DAB1: variants seen among roughly 807,000 people sequenced by gnomAD.
DAB1 encodes disabled homolog 1.
In DAB1, 15 loss-of-function variants were observed where a neutral mutation model predicts 64.6. The ratio of observed to expected loss-of-function variants is 0.23; its 90% CI spans 0.16 to 0.36. DAB1 has a LOEUF of 0.36. Among genes scored for constraint, DAB1 ranks in the 10% least tolerant of loss-of-function variants. DAB1 has a pLI of 1.00. For missense variants in DAB1, 596 were observed against 706.7 expected, an observed-to-expected ratio of 0.84 and a Z score of 1.78; for synonymous variants, 235 against 251.9, an observed-to-expected ratio of 0.93 and a Z score of 0.64.
At chr1:58,282,174 A>G (rs928635483) in intron 4 of DAB1, among the ~76,000 whole-genome samples, 1 of 152,128 alleles carries the variant, frequency 6.6e-6, no homozygotes, top group African/African-American at 2.4e-5. Context: ...CTTTTATCTT[A>G]AGTGTTTCTT....
At chr1:57,294,176 C>A in intron 1 of DAB1, among the ~76,000 whole-genome samples, 1 of 152,202 alleles carries the variant, frequency 6.6e-6, no homozygotes, top group East Asian at 1.9e-4. Context: ...CAACTCAAAT[C>A]ATTTTCCCCA....
At chr1:57,283,201 T>C (rs956141820) in intron 2 of DAB1, among the ~76,000 whole-genome samples, 1 of 152,226 alleles carries the variant, frequency 6.6e-6, no homozygotes, top group Admixed American at 6.5e-5. Context: ...GCAGGAAGCA[T>C]ACATGATGGC....
At chr1:58,321,953 G>A (rs1203148911) in intron 4 of DAB1, among the ~76,000 whole-genome samples, 1 of 152,244 alleles carries the variant, frequency 6.6e-6, no homozygotes, top group Non-Finnish European at 1.5e-5. Context: ...TGGACAGACT[G>A]CCTCCTCAAG....
At chr1:57,441,242 ATCTTTTCTTT>A (rs10546051) in intron 7 of DAB1, among the ~76,000 whole-genome samples, 1 of 147,524 alleles carries the variant, frequency 6.8e-6, no homozygotes, top group African/African-American at 2.5e-5. Flanking sequence ...CACAGGTACA[ATCTTTTCTTT>A]TCTTTTCTTT....
chr1:57,571,406 T>C (rs1183015035), intron 7 of DAB1, among the ~76,000 whole-genome samples: 1 of 152,238 alleles, frequency 6.6e-6, no homozygotes, highest in Non-Finnish European at 1.5e-5. Context: ...AAAGTCTGTG[T>C]ATACCAGCCC....
intron 5 of DAB1, among the ~76,000 whole-genome samples, chr1:57,984,185 AAAGAAAGAAAG>A (rs1557594813): frequency 5.4e-4 from 12 of 22,082 alleles, no homozygotes; most frequent in South Asian, 4.8e-3. Context: ...AGCTTAAAAA[AAAGAAAGAAAG>A]AAAGAAAGAA....
chr1:57,332,255 T>C (rs1031985484), intron 1 of DAB1, among the ~76,000 whole-genome samples: 1 of 152,212 alleles, frequency 6.6e-6, no homozygotes, highest in Non-Finnish European at 1.5e-5. Flanking sequence ...TAAGCCACAA[T>C]GCCCAGCTGG....
rs1236197937 is a variant in DAB1 at position 57,130,868 on chromosome 1, T to C, written c.306+5675A>G. Among the ~76,000 whole-genome samples the C allele has an allele frequency of 3.3e-5, 5 of 152,204 alleles. No homozygotes were observed. The South Asian group carries it at 8.3e-4, about 25-fold the overall frequency. On this transcript the variant is annotated intron_variant, in intron 4 of 14. Transcript: ENST00000371236. Reference sequence around the variant, plus strand: ...GGTATTATGTATATGGGTAAAATACTTTGTTTATGTGCTAAATAGGGTTAG... The same window carrying C: ...GGTATTATGTATATGGGTAAAATACCTTGTTTATGTGCTAAATAGGGTTAG...
chr1:58,309,199 T>C (rs919804134), intron 4 of DAB1, among the ~76,000 whole-genome samples: 4 of 152,226 alleles, frequency 2.6e-5, no homozygotes, highest in Admixed American at 6.5e-5. Context: ...GATATAAATG[T>C]TCCATACACA....
intron 2 of DAB1, among the ~76,000 whole-genome samples, chr1:57,290,678 A>G (rs553603054): frequency 2.0e-5 from 3 of 152,322 alleles, no homozygotes; most frequent in African/African-American, 7.2e-5. Flanking sequence ...TATTATGAAT[A>G]CGAAACACAC....
At chr1:58,160,652 G>T (rs1220569369) in intron 4 of DAB1, among the ~76,000 whole-genome samples, 3 of 152,122 alleles carry the variant, frequency 2.0e-5, no homozygotes, top group African/African-American at 7.2e-5. Flanking sequence ...TACAGCATTT[G>T]CTCTTAAATT....
chr1:57,695,356 A>AAAGAAAGGAAGGAAG (rs1557427730), intron 6 of DAB1, among the ~76,000 whole-genome samples: 1 of 25,078 alleles, frequency 4.0e-5, no homozygotes, highest in Non-Finnish European at 9.0e-5. Context: ...AAGAAAGAAA[A>AAAGAAAGGAAGGAAG]GAAAGAAGAA....
At chr1:58,189,051 A>G (rs1295118083) in intron 4 of DAB1, among the ~76,000 whole-genome samples, 1 of 152,138 alleles carries the variant, frequency 6.6e-6, no homozygotes, top group African/African-American at 2.4e-5. Context: ...GCACTATTTT[A>G]TTTGCCTTTG....
At chr1:58,357,688 C>T (rs888523374) in intron 3 of DAB1, among the ~76,000 whole-genome samples, 6 of 152,166 alleles carry the variant, frequency 3.9e-5, no homozygotes, top group African/African-American at 1.4e-4. Flanking sequence ...GATTCTGATG[C>T]AGTGGGTCTG....
intron 5 of DAB1, among the ~76,000 whole-genome samples, chr1:57,993,206 C>A (rs570160522): frequency 6.6e-6 from 1 of 152,054 alleles, no homozygotes; most frequent in Non-Finnish European, 1.5e-5. Context: ...GCTAGGGTCA[C>A]GGAATGCATG....
At chr1:57,360,004 C>A (rs1679422880) in intron 1 of DAB1, among the ~76,000 whole-genome samples, 1 of 151,776 alleles carries the variant, frequency 6.6e-6, no homozygotes, top group African/African-American at 2.4e-5. Context: ...ATAGGAGGAA[C>A]AAATGTTAAG....
intron 4 of DAB1, among the ~76,000 whole-genome samples, chr1:58,203,373 C>A (rs866367842): frequency 6.6e-6 from 1 of 152,054 alleles, no homozygotes; most frequent in African/African-American, 2.4e-5. Flanking sequence ...TAGACAACAC[C>A]CTCATATTTC....
chr1:57,075,737 G>A (rs1290014779), intron 4 of DAB1, among the ~76,000 whole-genome samples: 1 of 152,170 alleles, frequency 6.6e-6, no homozygotes, highest in Non-Finnish European at 1.5e-5. Context: ...GGGACTGAAG[G>A]TCAGAGATTG....
At chr1:57,540,692 T>C (rs1570609272) in intron 7 of DAB1, among the ~76,000 whole-genome samples, 1 of 152,318 alleles carries the variant, frequency 6.6e-6, no homozygotes, top group South Asian at 2.1e-4. Context: ...GCTCATTATG[T>C]TAAAGTTAAA....
Sources: gnomAD v4.1 joint callset for allele counts (sites outside exome capture counted in the v4.1 genomes callset) on GRCh38, gnomAD v4.1.1 for gene constraint, MANE v1.5 for transcripts, NCBI Gene and HGNC (gene_info 2026-07-23, HGNC 2026-07-21) for gene names.